Variants in TICRR observed in about 807,000 individuals in gnomAD.
TICRR encodes the protein TOPBP1 interacting checkpoint and replication regulator, also known as treslin.
TICRR carries 132 observed loss-of-function variants against 178.1 expected under a neutral mutation model. That is an observed-to-expected ratio of 0.74 (90% CI 0.64 to 0.86). The LOEUF is 0.86. Among genes scored for constraint, TICRR ranks in the 40% least tolerant of loss-of-function variants. The probability of loss-of-function intolerance (pLI) is 0.00; values close to 1 mark genes in which losing one functional copy is unlikely to be tolerated. For missense variants in TICRR, 2,587 were observed against 2,334.3 expected (o/e 1.11, Z -2.23); for synonymous variants, 991 against 900.7 (o/e 1.10, Z -1.79).
In TICRR at chr15:89,575,550, G is replaced by C. The variant is rs1322104097; in HGVS notation, c.-37G>C. 6.9e-7 allele frequency: 1 copy of C among 1,446,322 alleles called. No homozygotes were observed. The highest frequency in any genetic ancestry group is 2.9e-5 in the Admixed American group (1 of 34,006). The allele number at this position is 1,446,322 out of a possible 1,614,324, so 89.6% of individuals were successfully genotyped here. ...AAGGGACTAAGGGACGGTGGCGCGG[G>C]CCCGGACCGGGGCCCCGGGGCGGCG... On this transcript the variant is annotated 5_prime_UTR_variant, in exon 1 of 22. Coordinates refer to ENST00000268138, the MANE Select transcript of TICRR (RefSeq NM_152259.4).
In TICRR at chr15:89,625,946, A is replaced by C. The variant is rs755473942; in HGVS notation, c.5487A>C (p.Pro1829=). The C allele has an allele frequency of 6.3e-7, 1 of 1,575,224 alleles. No homozygotes were observed. Among genetic ancestry groups the C allele is most frequent in the Non-Finnish European group, 8.6e-7 (1 of 1,164,920 alleles). Residue 1829 remains proline (P), a synonymous_variant, in exon 21 of 22, where the codon CCA becomes CCC. Coordinates refer to ENST00000268138, the MANE Select transcript of TICRR (RefSeq NM_152259.4). ...DEEVFVSGST[P]PPSCAVRSCL... is the part of the protein sequence containing the mutation. ...GTGGGATCTCTTTAGGCTCCACCCCACCTCCCAGCTGTGCCGTGCGGAGCT... is the reference window on the plus strand; with the variant it reads ...GTGGGATCTCTTTAGGCTCCACCCCCCCTCCCAGCTGTGCCGTGCGGAGCT...
Position 89,623,747 on chromosome 15 carries a change from C to T in TICRR, c.3437C>T (p.Thr1146Ile), listed in dbSNP as rs770978140. ...CTGCAGAAGTCCCCTGCAAAAATGACCCCTACAAAGCAGGCAGCTTTTAAG... is the reference window on the plus strand; with the variant it reads ...CTGCAGAAGTCCCCTGCAAAAATGATCCCTACAAAGCAGGCAGCTTTTAAG... Reference protein sequence around the residue: ...ERLQKSPAKMTPTKQAAFKES... With the variant: ...ERLQKSPAKMIPTKQAAFKES... Residue 1146 changes from threonine to isoleucine, a missense_variant, in exon 20 of 22, where the codon ACC becomes ATC. By Grantham distance (89) the Thr-to-Ile change is moderately conservative (BLOSUM62 -1). Transcript: ENST00000268138. 1.9e-6 allele frequency: 3 copies of T among 1,614,080 alleles called. No homozygotes were observed. The highest frequency in any genetic ancestry group is 2.5e-6 in the Non-Finnish European group (3 of 1,180,026).
In TICRR at chr15:89,624,899, A is replaced by C. The variant is rs766500207; in HGVS notation, c.4589A>C (p.Asp1530Ala). ...TCCCGTGACGTGCACTGTACCACAG[A>C]TGGGAGACAGTGCCAGGCTTCGGCA... is the stretch of plus-strand genomic sequence containing the variant. Reference protein sequence around the residue: ...MPSRDVHCTTDGRQCQASAQL... With the variant: ...MPSRDVHCTTAGRQCQASAQL... Residue 1530 changes from aspartate (D) to alanine (A), a missense_variant, in exon 20 of 22, where the codon GAT becomes GCT. Transcript: ENST00000268138. The C allele has an allele frequency of 6.2e-6, 10 of 1,613,938 alleles. No individual in the cohort carries two copies. The South Asian group carries it at 9.9e-5, about 16-fold the overall frequency.
At chr15:89,612,127 A>C (rs751079989) in intron 15 of TICRR, among the ~76,000 whole-genome samples, 105 of 152,106 alleles carry the variant, frequency 6.9e-4, no homozygotes, top group Non-Finnish European at 1.3e-3. Context: ...CCCCTCAGGG[A>C]TTCCTGTTCT....
chr15:89,616,450 A>C lies in TICRR; in HGVS notation c.2915A>C (p.His972Pro), dbSNP rs756350194. 6 of 1,613,924 alleles carry C rather than the reference A, an allele frequency of 3.7e-6. No individual in the cohort carries two copies. The highest frequency in any genetic ancestry group is 5.1e-6 in the Non-Finnish European group (6 of 1,179,926). Reference protein sequence around the residue: ...LTKSVAETPVHKQISKRLLHR... With the variant: ...LTKSVAETPVPKQISKRLLHR... ...AAGAGTGTGGCCGAGACTCCAGTGC[A>C]TAAGCAGATCTCCAAAAGGCTGCTG... Residue 972 changes from histidine (H) to proline (P), a missense_variant, in exon 16 of 22, where the codon CAT becomes CCT. Coordinates refer to ENST00000268138, the MANE Select transcript of TICRR (RefSeq NM_152259.4).
At chr15:89,591,890 G>A (rs1334202739) in intron 4 of TICRR, 157 bp from the exon 5 acceptor site, 2 of 529,604 alleles carry the variant, frequency 3.8e-6, no homozygotes, top group East Asian at 5.7e-5. Flanking sequence ...ACATAGGCCT[G>A]TAGCAGTTTG....
chr15:89,602,873 C>A lies in TICRR; in HGVS notation c.2645C>A (p.Ser882Ter). Residue 882 changes from serine (S) to a stop codon, truncating the protein, a stop_gained, in exon 13 of 22, where the codon TCA (serine) becomes TAA (stop). Transcript: ENST00000268138. LOFTEE classifies it high-confidence loss of function. ...NLRQIEIPKV[S>*]KRATKKENSH... ...CGACAAATTGAAATTCCTAAAGTGTCAAAGAGAGCTACGAAAAAAGTAAGT... is the reference window on the plus strand; with the variant it reads ...CGACAAATTGAAATTCCTAAAGTGTAAAAGAGAGCTACGAAAAAAGTAAGT... The A allele has an allele frequency of 2.0e-6, 3 of 1,523,370 alleles. No individual in the cohort carries two copies. The highest frequency in any genetic ancestry group is 2.7e-5 in the South Asian group (2 of 74,454). The allele number at this position is 1,523,370 out of a possible 1,614,324, so 94.4% of individuals were successfully genotyped here.
intron 6 of TICRR, 136 bp from the exon 7 acceptor site, chr15:89,595,257 A>G: frequency 1.5e-6 from 1 of 668,108 alleles, no homozygotes; most frequent in Non-Finnish European, 2.6e-6. Flanking sequence ...AGATGCAAGA[A>G]CTTCCTAATT....
chr15:89,592,481 A>G (rs1420509914), intron 5 of TICRR, among the ~76,000 whole-genome samples: 1 of 152,190 alleles, frequency 6.6e-6, no homozygotes, highest in East Asian at 1.9e-4. Context: ...TATCAATGCA[A>G]ATAGAAAACA....
chr15:89,611,660 AT>A (rs200698714), intron 15 of TICRR, among the ~76,000 whole-genome samples: 11 of 147,918 alleles, frequency 7.4e-5, no homozygotes, highest in Admixed American at 2.7e-4. Context: ...GACTTTGTTC[AT>A]TTTTTTTTTA....
At chr15:89,614,485 A>C (rs951228987) in intron 15 of TICRR, among the ~76,000 whole-genome samples, 1 of 150,072 alleles carries the variant, frequency 6.7e-6, no homozygotes, top group Admixed American at 6.6e-5. Flanking sequence ...ATGCACCACC[A>C]CTCCTGGCTA....
Position 89,585,805 on chromosome 15 carries a change from A to G in TICRR, c.1274A>G (p.Lys425Arg), listed in dbSNP as rs2141954782. ...SAMILTVCRT[K>R]EAEFQRHVLQ... ...ATGATCCTCACTGTGTGCCGCACCA[A>G]GGAGGCTGAATTTCAACGACATGTT... The change falls in exon 4 of 22, where the codon AAG (lysine) becomes AGG (arginine). Residue 425 changes from lysine to arginine, a missense_variant. Transcript: ENST00000268138. 2 of 1,614,182 alleles carry G rather than the reference A, an allele frequency of 1.2e-6. No homozygotes were observed. The highest frequency in any genetic ancestry group is 1.7e-6 in the Non-Finnish European group (2 of 1,180,026).
chr15:89,624,744 G>A lies in TICRR; in HGVS notation c.4434G>A (p.Leu1478=), dbSNP rs1189070015. Residue 1478 remains leucine (L), a synonymous_variant, in exon 20 of 22, where the codon TTG becomes TTA. Transcript: ENST00000268138. ...SEAEHHGIGD[L]KSNVLSVEEG... ...CCGAACACCATGGCATTGGTGACTT[G>A]AAAAGTAACGTCTTATCAGTGGAAG... The A allele has an allele frequency of 2.5e-6, 4 of 1,614,078 alleles. No individual in the cohort carries two copies. In the African/African-American group the frequency reaches 4.0e-5, roughly 16 times the overall value.
intron 15 of TICRR, among the ~76,000 whole-genome samples, chr15:89,610,507 C>G (rs1241497034): frequency 1.3e-5 from 2 of 152,170 alleles, no homozygotes; most frequent in African/African-American, 4.8e-5. Flanking sequence ...TTTTGTCTGA[C>G]AATAATACAG....
At chr15:89,619,953 G>A (rs1333602500) in intron 18 of TICRR, 111 bp downstream of exon 18, 1 of 1,316,492 alleles carries the variant, frequency 7.6e-7, no homozygotes. Context: ...TGGAGAAGTA[G>A]AATAGGTATG....
chr15:89,617,898 G>A lies in TICRR; in HGVS notation c.2961-254G>A, dbSNP rs555427269. 16 of 415,572 alleles carry A rather than the reference G, an allele frequency of 3.9e-5. No individual in the cohort carries two copies. In the South Asian group the frequency reaches 4.8e-4, roughly 12 times the overall value. 25.7% of individuals were successfully genotyped at this position (415,572 alleles called of 1,614,324 possible). On this transcript the variant is annotated intron_variant, in intron 16 of 21. Transcript: ENST00000268138. The stretch of plus-strand genomic sequence containing the variant: ...ATAGAGTCGGGGTTTCACCATATTG[G>A]CCAGACTGGTCTCGAACTCCTGACC...
In TICRR at chr15:89,618,213, G is replaced by C. The variant is rs766736144; in HGVS notation, c.3019+3G>C. 2.5e-6 allele frequency: 4 copies of C among 1,613,752 alleles called. No homozygotes were observed. The African/African-American group carries it at 5.3e-5, about 22-fold the overall frequency. ...AGAGTCCCCTGAAAAAGGAGATGGT[G>C]AGTGTTATCTCTTTTTGTTTTTAAT... On this transcript the variant is annotated splice_donor_region_variant and intron_variant, in intron 17 of 21. Transcript: ENST00000268138.
At position 89,575,999 on chromosome 15, in the gene TICRR, G is replaced by A; in HGVS notation, c.413G>A (p.Ser138Asn). The A allele has an allele frequency of 6.2e-7, 1 of 1,607,424 alleles. No homozygotes were observed. The highest frequency in any genetic ancestry group is 1.7e-5 in the Admixed American group (1 of 59,324). Reference sequence around the variant, plus strand: ...GGGAGGAGACTGCTGGACGTGGAGAGCGAGGCCAAGGAGGCCGAGGCCGCG... The same window carrying A: ...GGGAGGAGACTGCTGGACGTGGAGAACGAGGCCAAGGAGGCCGAGGCCGCG... Reference protein sequence around the residue: ...SSGRRLLDVESEAKEAEAALG... With the variant: ...SSGRRLLDVENEAKEAEAALG... Residue 138 changes from serine (S) to asparagine (N), a missense_variant, in exon 1 of 22, where the codon AGC becomes AAC. Coordinates refer to ENST00000268138, the MANE Select transcript of TICRR (RefSeq NM_152259.4).
chr15:89,623,804 A>G lies in TICRR; in HGVS notation c.3494A>G (p.His1165Arg), dbSNP rs767786785. 1 of 1,613,942 alleles carries G rather than the reference A, an allele frequency of 6.2e-7. No individual in the cohort carries two copies. The highest frequency in any genetic ancestry group is 8.5e-7 in the Non-Finnish European group (1 of 1,180,002). ...ESLKDSSSPGHDSPLDSKITP... is the reference protein window; with the variant it reads ...ESLKDSSSPGRDSPLDSKITP... ...TTAAAAGACTCCTCCTCACCCGGCC[A>G]TGACTCACCATTGGATTCAAAAATC... The change falls in exon 20 of 22, where the codon CAT (histidine) becomes CGT (arginine). Residue 1165 changes from histidine to arginine, a missense_variant. Physicochemically the swap from His to Arg is conservative, Grantham distance 29. Coordinates refer to ENST00000268138, the MANE Select transcript of TICRR (RefSeq NM_152259.4).
Sources: allele counts gnomAD v4.1 joint callset (sites outside exome capture counted in the v4.1 genomes callset), GRCh38; gene constraint gnomAD v4.1.1; transcripts MANE v1.5; gene names NCBI Gene and HGNC (gene_info 2026-07-23, HGNC 2026-07-21).